Variants in NUP62CL observed in about 807,000 individuals in gnomAD.
NUP62CL encodes nucleoporin-62 C-terminal-like protein.
A neutral mutation model predicts 15.3 loss-of-function variants in NUP62CL; 13 were observed. The ratio of observed to expected loss-of-function variants is 0.85; its 90% CI spans 0.55 to 1.35. The LOEUF is 1.35. Among genes scored for constraint, NUP62CL ranks in the 40% most tolerant of loss-of-function variants. NUP62CL has a pLI of 0.00. For missense variants in NUP62CL, 123 were observed against 130.6 expected, an observed-to-expected ratio of 0.94 and a Z score of 0.28; for synonymous variants, 54 against 49.2, an observed-to-expected ratio of 1.10 and a Z score of -0.41.
At chrX:107,142,523 T>C (rs1925795738) in intron 8 of NUP62CL, among the ~76,000 whole-genome samples, 1 of 112,075 alleles carries the variant, frequency 8.9e-6, no homozygotes, top group African/African-American at 3.2e-5. Context: ...GGATACTTTA[T>C]GAAAGAAGTA....
chrX:107,130,726 C>G (rs1341475864), intron 8 of NUP62CL, among the ~76,000 whole-genome samples: 1 of 111,366 alleles, frequency 9.0e-6, no homozygotes, highest in Non-Finnish European at 1.9e-5. Context: ...ACAGTAAAAG[C>G]AGGGACTTAG....
intron 8 of NUP62CL, among the ~76,000 whole-genome samples, chrX:107,137,473 G>A (rs1308978784): frequency 2.7e-5 from 3 of 111,530 alleles, no homozygotes; most frequent in Non-Finnish European, 5.7e-5. Flanking sequence ...TGACATAACT[G>A]TCTATAAGGA....
At chrX:107,132,437 T>C (rs1175675745) in intron 8 of NUP62CL, among the ~76,000 whole-genome samples, 1 of 112,193 alleles carries the variant, frequency 8.9e-6, no homozygotes, top group African/African-American at 3.2e-5. Flanking sequence ...CCAGAATCAT[T>C]TGGGACCAGA....
At chrX:107,203,657 G>A (rs1927539807) in intron 1 of NUP62CL, among the ~76,000 whole-genome samples, 1 of 110,621 alleles carries the variant, frequency 9.0e-6, no homozygotes, top group Non-Finnish European at 1.9e-5. Context: ...TGTTAATAAT[G>A]CAAAATATAA....
Position 107,123,894 on chromosome X carries a change from A to G in NUP62CL, c.*481T>C, listed in dbSNP as rs1298771941. 1 of 137,391 alleles carries G rather than the reference A, an allele frequency of 7.3e-6. No individual in the cohort carries two copies. The highest frequency in any genetic ancestry group is 3.3e-5 in the African/African-American group (1 of 30,755). 11.3% of individuals were successfully genotyped at this position (137,391 alleles called of 1,213,427 possible). A position where few individuals can be genotyped will look rare whatever the true frequency, so the allele number is the denominator to read the frequency against. ...GAGGAGAAGAGACTTTACAGTATCTAGCACTATATAGGTTGGCATGTACTT... is the reference window on the plus strand; with the variant it reads ...GAGGAGAAGAGACTTTACAGTATCTGGCACTATATAGGTTGGCATGTACTT... On this transcript the variant is annotated 3_prime_UTR_variant, in exon 9 of 9. Transcript: ENST00000372466.
At chrX:107,165,804 G>A (rs763901247) in intron 4 of NUP62CL, among the ~76,000 whole-genome samples, 3 of 111,561 alleles carry the variant, frequency 2.7e-5, no homozygotes, top group South Asian at 3.8e-4. Flanking sequence ...ATTCAGGGGG[G>A]AAGATAGTCT....
rs185054641 is a variant in NUP62CL, at chrX:107,128,514, C to G, written c.*43-4182G>C. On this transcript the variant is annotated intron_variant, in intron 8 of 8. Transcript: ENST00000372466. ...AAAATAATTAAGATATTATCTCTAT[C>G]AAGAAGCTCAAATTCCAGTAAACAG... 2.0e-3 allele frequency among the ~76,000 whole-genome samples: 220 copies of G among 112,084 alleles called. 2 individuals are homozygous for G. The highest frequency in any genetic ancestry group is 3.5e-3 in the Non-Finnish European group (184 of 53,211).
intron 2 of NUP62CL, among the ~76,000 whole-genome samples, chrX:107,181,553 T>TA (rs1341611248): frequency 0.014 from 1,426 of 105,195 alleles, 13 homozygotes; most frequent in African/African-American, 0.03. Flanking sequence ...ATTACTTTCC[T>TA]AAAAAAAAAA....
intron 4 of NUP62CL, among the ~76,000 whole-genome samples, chrX:107,164,677 T>C (rs1926466212): frequency 8.9e-6 from 1 of 112,709 alleles, no homozygotes; most frequent in Admixed American, 9.3e-5. Context: ...TGAACTACTT[T>C]ATTTTTAACA....
At chrX:107,142,220 C>G (rs910258563) in intron 8 of NUP62CL, among the ~76,000 whole-genome samples, 1 of 111,204 alleles carries the variant, frequency 9.0e-6, no homozygotes. Context: ...AAAACTACTT[C>G]TCTAAAATGA....
rs1442367337 is a variant in NUP62CL, at chrX:107,123,564, T to TAAAAC, written c.*806_*810dup. On this transcript the variant is annotated 3_prime_UTR_variant, in exon 9 of 9. Coordinates refer to ENST00000372466, the MANE Select transcript of NUP62CL (RefSeq NM_017681.3). ...TCCAAACCTAAGAACAAGGCTTATT[T>TAAAAC]AAAACAAAACAAAACAAACAAACAA... 2.8e-5 allele frequency: 3 copies of TAAAAC among 108,992 alleles called. No individual in the cohort carries two copies. The highest frequency in any genetic ancestry group is 1.0e-4 in the African/African-American group (3 of 29,939). 9.0% of individuals were successfully genotyped at this position (108,992 alleles called of 1,213,427 possible). A position where few individuals can be genotyped will look rare whatever the true frequency, so the allele number is the denominator to read the frequency against.
chrX:107,153,414 A>G, intron 6 of NUP62CL, 40 bp downstream of exon 6: 3 of 1,112,203 alleles, frequency 2.7e-6, no homozygotes, highest in Non-Finnish European at 3.6e-6. Flanking sequence ...ATAAAAAGAT[A>G]GGTCTTTAAT....
In NUP62CL at chrX:107,154,238, G is replaced by T; in HGVS notation, c.203C>A (p.Ala68Glu). Residue 68 changes from alanine to glutamate, a missense_variant, in exon 5 of 9, where the codon GCA becomes GAA. Coordinates refer to ENST00000372466, the MANE Select transcript of NUP62CL (RefSeq NM_017681.3). The part of the protein sequence containing the change: ...VPYTSTVSVV[A>E]TPVMTYGHLE... ...ATGACCATATGTCATCACAGGAGTT[G>T]CTACTACACTAAAACATAAAAAGAT... 8.4e-7 allele frequency: 1 copy of T among 1,188,394 alleles called. No individual in the cohort carries two copies. The highest frequency in any genetic ancestry group is 1.1e-6 in the Non-Finnish European group (1 of 882,490).
chrX:107,167,646 T>C lies in NUP62CL; in HGVS notation c.194+3A>G, dbSNP rs376071089. On this transcript the variant is annotated splice_donor_region_variant and intron_variant, in intron 4 of 8. Coordinates refer to ENST00000372466, the MANE Select transcript of NUP62CL (RefSeq NM_017681.3). ...ATGCAAGTTTTTAAATAAATAGGCT[T>C]ACCTAACAGTTGAAGTATAAGGTAC... 1 of 1,168,305 alleles carries C rather than the reference T, an allele frequency of 8.6e-7. No individual in the cohort carries two copies. Among genetic ancestry groups the C allele is most frequent in the Non-Finnish European group, 1.2e-6 (1 of 868,369 alleles).
intron 1 of NUP62CL, among the ~76,000 whole-genome samples, chrX:107,205,800 C>A (rs191532606): frequency 5.4e-4 from 60 of 110,721 alleles, no homozygotes; most frequent in Admixed American, 5.2e-3. Context: ...CAGTGGCAAG[C>A]GAGCGGCGCG....
intron 7 of NUP62CL, 68 bp from the exon 8 acceptor site, chrX:107,147,877 A>G (rs1925917715): frequency 1.2e-6 from 1 of 850,451 alleles, no homozygotes; most frequent in Non-Finnish European, 1.7e-6. Context: ...TAAACATAAG[A>G]AATTGACATT....
chrX:107,131,846 C>T (rs1157393248), intron 8 of NUP62CL: 4 of 1,031,440 alleles, frequency 3.9e-6, no homozygotes, highest in Non-Finnish European at 5.5e-6. Flanking sequence ...ACTCTTGGGA[C>T]CTGTGTTATA....
rs149813626 is a variant in NUP62CL at position 107,146,160 on chromosome X, T to C, written c.*42+1583A>G. The stretch of plus-strand genomic sequence containing the variant: ...CTTCATTAAAGTGGTACAAGTTAGA[T>C]AGCTGTTGTAAAGGCACATTTTGTC... On this transcript the variant is annotated intron_variant, in intron 8 of 8. Transcript: ENST00000372466. Among the ~76,000 whole-genome samples the C allele has an allele frequency of 0.011, 1,200 of 111,752 alleles. 12 individuals are homozygous for C. In the South Asian group the frequency reaches 0.11, roughly 10 times the overall value.
At chrX:107,172,581 C>T (rs1415800721) in intron 3 of NUP62CL, among the ~76,000 whole-genome samples, 1 of 111,162 alleles carries the variant, frequency 9.0e-6, no homozygotes, top group Admixed American at 9.6e-5. Context: ...CCATCTACAG[C>T]CTAACTAGCT....
Sources: allele counts gnomAD v4.1 joint callset (sites outside exome capture counted in the v4.1 genomes callset), GRCh38; gene constraint gnomAD v4.1.1; transcripts MANE v1.5; gene names NCBI Gene and HGNC (gene_info 2026-07-23, HGNC 2026-07-21).